Variants in CNTN4 observed in about 807,000 individuals in gnomAD.
CNTN4 encodes contactin 4.
Under a neutral mutation model 122.5 loss-of-function variants are expected in CNTN4, and 77 were observed. That is an observed-to-expected ratio of 0.63 (90% confidence interval 0.52 to 0.76). The LOEUF is 0.76. Among genes scored for constraint, CNTN4 ranks in the 30% least tolerant of loss-of-function variants. The probability of loss-of-function intolerance (pLI) is 0.00; values close to 1 mark genes in which losing one functional copy is unlikely to be tolerated. For missense variants in CNTN4, 1,256 were observed against 1,259.1 expected, an observed-to-expected ratio of 1.00 and a Z score of 0.04; for synonymous variants, 512 against 447.0, an observed-to-expected ratio of 1.15 and a Z score of -1.83.
rs534718599 is a variant in CNTN4 at position 2,808,555 on chromosome 3, T to C, written c.359-10931T>C. Among the ~76,000 whole-genome samples, 22 of 152,280 alleles carry C rather than the reference T, an allele frequency of 1.4e-4. No homozygotes were observed. In the East Asian group the frequency reaches 4.2e-3, roughly 29 times the overall value. On this transcript the variant is annotated intron_variant, in intron 6 of 24. Coordinates refer to ENST00000418658, the MANE Select transcript of CNTN4 (RefSeq NM_175607.3). ...AGATGAAGAAAAGATAATTGTATGA[T>C]ATATCACTGACTGGCTGATAACAGC... is the stretch of plus-strand genomic sequence containing the variant.
At chr3:2,774,399 G>C (rs151094586) in intron 6 of CNTN4, among the ~76,000 whole-genome samples, 11 of 151,642 alleles carry the variant, frequency 7.3e-5, no homozygotes, top group African/African-American at 2.2e-4. Context: ...TCTCTTCCAC[G>C]TCACTTTTAT....
intron 2 of CNTN4, among the ~76,000 whole-genome samples, chr3:2,147,954 C>T (rs1401551421): frequency 2.6e-5 from 4 of 152,162 alleles, no homozygotes; most frequent in Non-Finnish European, 5.9e-5. Context: ...TTGTCTGTTT[C>T]ATCGTGACTC....
chr3:2,135,529 C>T (rs1278808055), intron 2 of CNTN4, among the ~76,000 whole-genome samples: 2 of 152,100 alleles, frequency 1.3e-5, no homozygotes, highest in Non-Finnish European at 2.9e-5. Context: ...GAACTTTAGA[C>T]TTGTTTTTAC....
chr3:2,745,525 G>T lies in CNTN4; in HGVS notation c.186G>T (p.Trp62Cys). The change falls in exon 6 of 25, where the codon TGG (tryptophan) becomes TGT (cysteine). Residue 62 changes from tryptophan to cysteine, a missense_variant. By Grantham distance (215) the Trp-to-Cys change is radical. Transcript: ENST00000418658. Reference sequence around the variant, plus strand: ...TACTGGCATTTTTATACTATAGGTGGAAGTTAAATGGAACAGATGTTGACA... The same window carrying T: ...TACTGGCATTTTTATACTATAGGTGTAAGTTAAATGGAACAGATGTTGACA... ...VKGNPKPHIRWKLNGTDVDTG... is the reference protein window; with the variant it reads ...VKGNPKPHIRCKLNGTDVDTG... 6.2e-7 allele frequency: 1 copy of T among 1,613,486 alleles called. No homozygotes were observed. Among genetic ancestry groups the T allele is most frequent in the Non-Finnish European group, 8.5e-7 (1 of 1,179,444 alleles).
intron 3 of CNTN4, among the ~76,000 whole-genome samples, chr3:2,533,337 A>C (rs1328961442): frequency 6.6e-6 from 1 of 151,716 alleles, no homozygotes; most frequent in Non-Finnish European, 1.5e-5. Flanking sequence ...CCCGTGTCCA[A>C]GTGTTCTCAT....
At chr3:2,518,256 T>C (rs1048602275) in intron 3 of CNTN4, among the ~76,000 whole-genome samples, 29 of 152,224 alleles carry the variant, frequency 1.9e-4, no homozygotes, top group African/African-American at 6.5e-4. Context: ...CATGCACGCA[T>C]CTAGGCTAAG....
chr3:2,479,756 T>C (rs1282100459), intron 3 of CNTN4, among the ~76,000 whole-genome samples: 1 of 152,218 alleles, frequency 6.6e-6, no homozygotes, highest in Non-Finnish European at 1.5e-5. Context: ...GTCCATTCTT[T>C]GGATTTGGAC....
At chr3:2,836,585 T>C (rs1387973133) in intron 7 of CNTN4, among the ~76,000 whole-genome samples, 1 of 152,058 alleles carries the variant, frequency 6.6e-6, no homozygotes, top group Non-Finnish European at 1.5e-5. Flanking sequence ...ATGGCATTAC[T>C]CAACAATTCA....
chr3:2,748,911 C>CA lies in CNTN4; in HGVS notation c.358+3217dup, dbSNP rs748099070. ...TCTCATTTTAATTTCTCAAAAATGA[C>CA]AAACTATTTTTTGCAACAGGATCTT... On this transcript the variant is annotated intron_variant, in intron 6 of 24. Coordinates refer to ENST00000418658, the MANE Select transcript of CNTN4 (RefSeq NM_175607.3). 3.9e-5 allele frequency among the ~76,000 whole-genome samples: 6 copies of CA among 152,280 alleles called. No homozygotes were observed. In the East Asian group the frequency reaches 9.6e-4, roughly 24 times the overall value.
intron 17 of CNTN4, 110 bp downstream of exon 17, chr3:3,034,900 A>C: frequency 8.7e-7 from 1 of 1,155,900 alleles, no homozygotes; most frequent in South Asian, 1.2e-5. Context: ...CAAATGATAT[A>C]TTATGGCAGT....
At chr3:2,510,371 TG>T (rs1005993923) in intron 3 of CNTN4, among the ~76,000 whole-genome samples, 31 of 106,852 alleles carry the variant, frequency 2.9e-4, no homozygotes, top group African/African-American at 4.1e-4. Context: ...TTTGTTTGTT[TG>T]GGGTTTTTTT....
chr3:2,293,533 C>G (rs556660506), intron 2 of CNTN4, among the ~76,000 whole-genome samples: 70 of 152,250 alleles, frequency 4.6e-4, no homozygotes, highest in African/African-American at 1.6e-3. Flanking sequence ...GTTTCCTCAT[C>G]TATACAATGG....
At chr3:2,811,687 C>A (rs112223757) in intron 6 of CNTN4, among the ~76,000 whole-genome samples, 1 of 151,710 alleles carries the variant, frequency 6.6e-6, no homozygotes, top group Non-Finnish European at 1.5e-5. Flanking sequence ...TGTTTTTAGA[C>A]GGAGTCTTGC....
At chr3:2,733,320 G>C (rs920958852) in intron 4 of CNTN4, among the ~76,000 whole-genome samples, 1 of 152,152 alleles carries the variant, frequency 6.6e-6, no homozygotes, top group African/African-American at 2.4e-5. Context: ...TGCTTTATTA[G>C]TGATCTTGAC....
chr3:2,866,635 G>GA (rs1214595713), intron 7 of CNTN4, 117 bp from the exon 8 acceptor site: 79 of 1,233,024 alleles, frequency 6.4e-5, no homozygotes, highest in Non-Finnish European at 9.2e-5. Context: ...TTAGTGGGCT[G>GA]AAAAAGAGTC....
rs555459407 is a variant in CNTN4, at chr3:2,618,065, A to G, written c.55+46507A>G. Among the ~76,000 whole-genome samples the G allele has an allele frequency of 3.9e-5, 6 of 152,266 alleles. No individual in the cohort carries two copies. The South Asian group carries it at 1.2e-3, about 32-fold the overall frequency. On this transcript the variant is annotated intron_variant, in intron 4 of 24. Transcript: ENST00000418658. The stretch of plus-strand genomic sequence containing the variant: ...TCTGAGCACTATCCACACACTTAGG[A>G]CAGTGCCTTAAACACTGTATATGTA...
intron 6 of CNTN4, among the ~76,000 whole-genome samples, chr3:2,806,980 C>A (rs972581836): frequency 1.4e-4 from 21 of 152,186 alleles, no homozygotes; most frequent in African/African-American, 5.1e-4. Flanking sequence ...GCATCAACGA[C>A]ACTATGTGTG....
intron 4 of CNTN4, among the ~76,000 whole-genome samples, chr3:2,651,380 G>A (rs2083351000): frequency 6.6e-6 from 1 of 152,128 alleles, no homozygotes; most frequent in Non-Finnish European, 1.5e-5. Flanking sequence ...CCCAAAAATA[G>A]TGTCAGTTCA....
intron 13 of CNTN4, among the ~76,000 whole-genome samples, chr3:2,984,745 G>A (rs916730400): frequency 1.3e-5 from 2 of 152,190 alleles, no homozygotes; most frequent in African/African-American, 2.4e-5. Context: ...ATTAATAGGT[G>A]TTTTTGCTTT....
Sources: allele counts gnomAD v4.1 joint callset (sites outside exome capture counted in the v4.1 genomes callset), GRCh38; gene constraint gnomAD v4.1.1; transcripts MANE v1.5; gene names NCBI Gene and HGNC (gene_info 2026-07-23, HGNC 2026-07-21).